The following VPS13B variants were observed in gnomAD, a reference collection of about 807,000 sequenced individuals.
VPS13B encodes the protein vacuolar protein sorting 13 homolog B, also known as intermembrane lipid transfer protein VPS13B.
A neutral mutation model predicts 426.4 loss-of-function variants in VPS13B; 285 were observed. The observed-to-expected ratio is 0.67, with a 90% CI of 0.61 to 0.74. The LOEUF is 0.74. VPS13B is among the 30% of genes least tolerant of loss of function. VPS13B has a pLI of 0.00. For synonymous variants in VPS13B, 1,676 were observed against 1,676.4 expected, an observed-to-expected ratio of 1.00 and a Z score of 0.01; for missense variants, 4,537 against 4,782.6, an observed-to-expected ratio of 0.95 and a Z score of 1.51.
At chr8:99,847,882 G>T (rs541985807) in intron 54 of VPS13B, among the ~76,000 whole-genome samples, 1 of 152,136 alleles carries the variant, frequency 6.6e-6, no homozygotes, top group Non-Finnish European at 1.5e-5. Context: ...CCTTTGTTCC[G>T]TCATCCAGGA....
At position 99,511,165 on chromosome 8, in the gene VPS13B, C is replaced by A. The variant is rs1232811849; in HGVS notation, c.4286C>A (p.Thr1429Lys). Residue 1429 changes from threonine (T) to lysine (K), a missense_variant, in exon 29 of 62, where the codon ACA becomes AAA. By Grantham distance (78) the Thr-to-Lys change is moderately conservative. Transcript: ENST00000357162. ...CATGGATTCCTCTCTCTGACATACA[C>A]AAAAGCTGTAACAAAAAATGTCCGC... ...QQHGFLSLTY[T>K]KAVTKNVRHK... The A allele has an allele frequency of 1.2e-5, 19 of 1,613,826 alleles. No homozygotes were observed. The highest frequency in any genetic ancestry group is 1.5e-5 in the Non-Finnish European group (18 of 1,180,016).
intron 8 of VPS13B, 165 bp downstream of exon 8, chr8:99,121,610 T>C: frequency 7.0e-7 from 1 of 1,429,544 alleles, no homozygotes; most frequent in Non-Finnish European, 9.1e-7. Flanking sequence ...CCACTTGAAA[T>C]CTTTGAATTC....
intron 42 of VPS13B, among the ~76,000 whole-genome samples, chr8:99,781,279 T>C (rs1401476877): frequency 1.3e-5 from 2 of 152,318 alleles, no homozygotes; most frequent in East Asian, 3.9e-4. Context: ...TATTTCTATG[T>C]CACTTTCCCA....
At chr8:99,382,136 A>C (rs931314365) in intron 19 of VPS13B, among the ~76,000 whole-genome samples, 6 of 151,836 alleles carry the variant, frequency 4.0e-5, no homozygotes, top group African/African-American at 1.2e-4. Context: ...AGATAGTTGT[A>C]GGTGTGTGGT....
At chr8:99,229,945 C>G (rs930145377) in intron 17 of VPS13B, among the ~76,000 whole-genome samples, 7 of 152,188 alleles carry the variant, frequency 4.6e-5, no homozygotes, top group Middle Eastern at 3.2e-3. Context: ...TGACTTCTGA[C>G]TTATACAATG....
At chr8:99,398,790 A>G (rs1388352176) in intron 21 of VPS13B, among the ~76,000 whole-genome samples, 1 of 151,228 alleles carries the variant, frequency 6.6e-6, no homozygotes, top group Non-Finnish European at 1.5e-5. Context: ...TCTTTCCACA[A>G]ACAAGTATTT....
chr8:99,658,249 A>T (rs1457658852), intron 34 of VPS13B, among the ~76,000 whole-genome samples: 3 of 152,216 alleles, frequency 2.0e-5, no homozygotes, highest in Non-Finnish European at 4.4e-5. Flanking sequence ...ATCAGAATAC[A>T]GTTAAATGAC....
intron 23 of VPS13B, among the ~76,000 whole-genome samples, chr8:99,448,272 C>G (rs140199461): frequency 2.0e-4 from 31 of 151,752 alleles, no homozygotes; most frequent in African/African-American, 7.5e-4. Context: ...TTCATACTCC[C>G]TAAGAGAATA....
chr8:99,812,501 C>A (rs970733011), intron 44 of VPS13B, among the ~76,000 whole-genome samples: 1 of 152,154 alleles, frequency 6.6e-6, no homozygotes, highest in Non-Finnish European at 1.5e-5. Context: ...CACCTTAACA[C>A]CCCCTGGATA....
chr8:99,418,750 G>A (rs1401850587), intron 21 of VPS13B, among the ~76,000 whole-genome samples: 2 of 151,996 alleles, frequency 1.3e-5, no homozygotes, highest in African/African-American at 4.8e-5. Context: ...GAAATTTTCG[G>A]AATAAAGGAT....
intron 24 of VPS13B, among the ~76,000 whole-genome samples, chr8:99,469,851 A>G (rs563873934): frequency 4.6e-5 from 7 of 152,308 alleles, no homozygotes; most frequent in African/African-American, 1.7e-4. Context: ...AGACACATAC[A>G]AAGGGAAGAT....
At chr8:99,361,919 C>T (rs759805557) in intron 19 of VPS13B, among the ~76,000 whole-genome samples, 3 of 152,030 alleles carry the variant, frequency 2.0e-5, no homozygotes, top group Admixed American at 1.3e-4. Flanking sequence ...CTACAAGTTA[C>T]GTGGTGTTAG....
chr8:99,854,771 T>G (rs1052768029), intron 56 of VPS13B, among the ~76,000 whole-genome samples: 2 of 152,160 alleles, frequency 1.3e-5, no homozygotes, highest in African/African-American at 4.8e-5. Flanking sequence ...GGTGAGAAAT[T>G]CAGAGGATTT....
At chr8:99,536,953 T>A in intron 30 of VPS13B, 1 of 388,670 alleles carries the variant, frequency 2.6e-6, no homozygotes, top group Non-Finnish European at 5.1e-6. Context: ...TGATAGAACT[T>A]ATATTAATGA....
chr8:99,849,012 A>T, intron 55 of VPS13B, 118 bp downstream of exon 55: 1 of 962,708 alleles, frequency 1.0e-6, no homozygotes, highest in Non-Finnish European at 1.7e-6. Context: ...GTTAATTATC[A>T]TGTAATCCAT....
At chr8:99,173,407 A>G (rs1812461417) in intron 16 of VPS13B, among the ~76,000 whole-genome samples, 1 of 152,150 alleles carries the variant, frequency 6.6e-6, no homozygotes, top group Non-Finnish European at 1.5e-5. Flanking sequence ...TCTAAAAAAA[A>G]TTGCCAGTAA....
At chr8:99,754,472 T>C (rs1485001093) in intron 39 of VPS13B, among the ~76,000 whole-genome samples, 2 of 152,182 alleles carry the variant, frequency 1.3e-5, no homozygotes, top group African/African-American at 4.8e-5. Flanking sequence ...AAGAGAAACC[T>C]CCCATTATTG....
intron 27 of VPS13B, among the ~76,000 whole-genome samples, chr8:99,504,819 G>A (rs1479918830): frequency 5.3e-5 from 8 of 152,182 alleles, no homozygotes; most frequent in African/African-American, 1.9e-4. Flanking sequence ...GTCCTTTGAA[G>A]CTTTAAACCC....
chr8:99,840,576 G>A (rs200950174), intron 54 of VPS13B, among the ~76,000 whole-genome samples: 1 of 152,234 alleles, frequency 6.6e-6, no homozygotes, highest in South Asian at 2.1e-4. Flanking sequence ...CGAATGCATG[G>A]GGTCAATCAG....
Sources: gnomAD v4.1 joint callset for allele counts (sites outside exome capture counted in the v4.1 genomes callset) on GRCh38, gnomAD v4.1.1 for gene constraint, MANE v1.5 for transcripts, NCBI Gene and HGNC (gene_info 2026-07-23, HGNC 2026-07-21) for gene names.